Variants in ORC3 observed in about 807,000 individuals in gnomAD.
The protein encoded by ORC3 is origin recognition complex subunit 3, also known as homolog of latheo, Drosophila.
ORC3 carries 78 observed loss-of-function variants against 100.7 expected under a neutral mutation model. The ratio of observed to expected loss-of-function variants is 0.77; its 90% CI spans 0.65 to 0.94. The LOEUF (loss-of-function observed/expected upper bound fraction) is 0.94. Among genes scored for constraint, ORC3 ranks in the 40% least tolerant of loss-of-function variants. The probability of loss-of-function intolerance (pLI) is 0.00; values close to 1 mark genes in which losing one functional copy is unlikely to be tolerated. For synonymous variants in ORC3, 295 were observed against 289.3 expected (o/e 1.02, Z -0.20); for missense variants, 789 against 823.9 (o/e 0.96, Z 0.52).
At chr6:87,612,498 C>G (rs548107202) in intron 8 of ORC3, among the ~76,000 whole-genome samples, 1 of 152,254 alleles carries the variant, frequency 6.6e-6, no homozygotes, top group South Asian at 2.1e-4. Context: ...TCTCTATGTA[C>G]TTAATCTCTT....
At chr6:87,669,745 A>C (rs530650970), downstream of ORC3, among the ~76,000 whole-genome samples, 2 of 152,308 alleles carry the variant, frequency 1.3e-5, no homozygotes, top group Admixed American at 1.3e-4. Flanking sequence ...TCATTTTTTA[A>C]ACAATGGTTG....
At position 87,594,352 on chromosome 6, in the gene ORC3, G is replaced by T. The variant is rs749710336; in HGVS notation, c.25-1G>T. The T allele has an allele frequency of 6.3e-7, 1 of 1,578,322 alleles. No individual in the cohort carries two copies. Among genetic ancestry groups the T allele is most frequent in the Non-Finnish European group, 8.7e-7 (1 of 1,155,078 alleles). On this transcript the variant is annotated splice_acceptor_variant, in intron 1 of 19. Coordinates refer to ENST00000392844, the MANE Select transcript of ORC3 (RefSeq NM_012381.4). LOFTEE classifies it high-confidence loss of function. ...TATGCTTTTCGTCTTTCTTTTTATA[G>T]GGTTGCTTTGTTTTTAAGCCAAACT...
chr6:87,618,124 C>T (rs1779287083), intron 9 of ORC3, among the ~76,000 whole-genome samples: 1 of 152,044 alleles, frequency 6.6e-6, no homozygotes, highest in Admixed American at 6.6e-5. Flanking sequence ...AAAATGAAAT[C>T]TCTGGGCTGG....
At chr6:87,634,810 A>T (rs1187297368) in intron 11 of ORC3, 35 bp from the exon 12 acceptor site, 1 of 1,007,830 alleles carries the variant, frequency 9.9e-7, no homozygotes, top group Middle Eastern at 2.1e-4. Context: ...TTATTAGCTG[A>T]CTTACATATT....
At chr6:87,651,901 C>CTT (rs113631905) in intron 13 of ORC3, among the ~76,000 whole-genome samples, 27 of 142,616 alleles carry the variant, frequency 1.9e-4, no homozygotes, top group Admixed American at 2.8e-4. Context: ...AATATTAGAA[C>CTT]TTTTTTTTTT....
intron 2 of ORC3, among the ~76,000 whole-genome samples, chr6:87,597,481 C>T (rs1218664153): frequency 4.6e-5 from 7 of 151,948 alleles, no homozygotes; most frequent in African/African-American, 1.5e-4. Flanking sequence ...AAGCTCCCCA[C>T]AGGGTTATTG....
chr6:87,623,892 A>C (rs562940514), intron 11 of ORC3, among the ~76,000 whole-genome samples: 3 of 152,196 alleles, frequency 2.0e-5, no homozygotes, highest in Non-Finnish European at 4.4e-5. Flanking sequence ...TTTAAAAAAA[A>C]ACAAAACAAA....
In ORC3 at chr6:87,664,807, A is replaced by G; in HGVS notation, c.1898A>G (p.Tyr633Cys). 6.2e-7 allele frequency: 1 copy of G among 1,614,160 alleles called. No individual in the cohort carries two copies. The highest frequency in any genetic ancestry group is 8.5e-7 in the Non-Finnish European group (1 of 1,179,986). Residue 633 changes from tyrosine to cysteine, a missense_variant, in exon 18 of 20, where the codon TAC (tyrosine) becomes TGC (cysteine). By Grantham distance (194) the Tyr-to-Cys change is radical. This residue lies in a region of ORC3 where 366 missense variants were observed against 394.2 expected (regional missense o/e 0.93). Transcript: ENST00000392844. ...ATCGCCCCAGACATCTGCATAGCAT[A>G]CAAACTGCACCTAGAGTGTAGCAGG... ...PNIAPDICIA[Y>C]KLHLECSRLI...
chr6:87,611,421 T>C (rs1037693537), intron 7 of ORC3, among the ~76,000 whole-genome samples: 1 of 152,174 alleles, frequency 6.6e-6, no homozygotes, highest in African/African-American at 2.4e-5. Flanking sequence ...AGGAAGACTA[T>C]AGAAAGGGCT....
chr6:87,617,470 C>G (rs571257397), intron 9 of ORC3, among the ~76,000 whole-genome samples: 5 of 152,224 alleles, frequency 3.3e-5, no homozygotes, highest in African/African-American at 1.2e-4. Context: ...CACGGTGGCT[C>G]ATGCGTATAA....
chr6:87,617,000 G>A (rs918770348), intron 9 of ORC3, among the ~76,000 whole-genome samples: 1 of 152,074 alleles, frequency 6.6e-6, no homozygotes, highest in Admixed American at 6.5e-5. Context: ...GCTTCACCAT[G>A]TTGGCCAGGC....
At chr6:87,602,292 G>GT (rs1777964028) in intron 3 of ORC3, among the ~76,000 whole-genome samples, 1 of 152,148 alleles carries the variant, frequency 6.6e-6, no homozygotes, top group African/African-American at 2.4e-5. Flanking sequence ...TATGATAGCT[G>GT]TTAAGGCAAG....
At chr6:87,668,967 A>G (rs1325575504), downstream of ORC3, among the ~76,000 whole-genome samples, 1 of 151,878 alleles carries the variant, frequency 6.6e-6, no homozygotes, top group Admixed American at 6.5e-5. Context: ...TAGGCGACAG[A>G]GCGAGACTCT....
At chr6:87,642,668 C>T (rs554772865) in intron 13 of ORC3, among the ~76,000 whole-genome samples, 309 of 149,032 alleles carry the variant, frequency 2.1e-3, no homozygotes, top group African/African-American at 7.3e-3. Context: ...TTTGGGAGGC[C>T]GAGGCGGATG....
intron 2 of ORC3, among the ~76,000 whole-genome samples, chr6:87,598,131 G>A (rs1318756085): frequency 6.6e-6 from 1 of 152,100 alleles, no homozygotes; most frequent in African/African-American, 2.4e-5. Flanking sequence ...CTGGGCTCCG[G>A]GAATCCTCCT....
intron 8 of ORC3, 84 bp downstream of exon 8, chr6:87,612,332 G>T: frequency 3.6e-6 from 3 of 843,596 alleles, no homozygotes. Flanking sequence ...TTAACAATAA[G>T]CCTCTACAAC....
At position 87,609,121 on chromosome 6, in the gene ORC3, A is replaced by C. The variant is rs755486842; in HGVS notation, c.605A>C (p.Lys202Thr). 3.1e-6 allele frequency: 5 copies of C among 1,604,516 alleles called. No individual in the cohort carries two copies. The highest frequency in any genetic ancestry group is 4.2e-6 in the Non-Finnish European group (5 of 1,177,872). Residue 202 changes from lysine to threonine, a missense_variant, in exon 7 of 20, where the codon AAA becomes ACA. By Grantham distance (78) the Lys-to-Thr change is moderately conservative. Transcript: ENST00000392844. ...AAGACGGACCCAAAAATGCTAAGCA[A>C]AAAAAGGACTACTTCTAGCCAATGG... The part of the protein sequence containing the change: ...TQKTDPKMLS[K>T]KRTTSSQWQS...
At chr6:87,649,682 G>A (rs1452761909) in intron 13 of ORC3, among the ~76,000 whole-genome samples, 2 of 152,190 alleles carry the variant, frequency 1.3e-5, no homozygotes, top group African/African-American at 2.4e-5. Context: ...GGAGGCAGAG[G>A]TTGCGGTGAG....
intron 11 of ORC3, among the ~76,000 whole-genome samples, chr6:87,627,196 A>G (rs1779974664): frequency 6.7e-6 from 1 of 148,920 alleles, no homozygotes; most frequent in Non-Finnish European, 1.5e-5. Context: ...ACAGGGTTTC[A>G]CCATGTTGGC....
Sources: allele counts gnomAD v4.1 joint callset (sites outside exome capture counted in the v4.1 genomes callset), GRCh38; gene constraint gnomAD v4.1.1; regional missense constraint gnomAD v4.1.1; transcripts MANE v1.5; gene names NCBI Gene and HGNC (gene_info 2026-07-23, HGNC 2026-07-21).